Variants in TACC2 observed in about 807,000 individuals in gnomAD.
TACC2 encodes transforming acidic coiled-coil containing protein 2.
Under a neutral mutation model 227.3 loss-of-function variants are expected in TACC2, and 137 were observed. That is an observed-to-expected ratio of 0.60 (90% CI 0.52 to 0.69). The LOEUF (loss-of-function observed/expected upper bound fraction) is 0.69, where lower values mean the gene tolerates loss of function less well. Ranked by LOEUF, TACC2 falls within the 30% of genes least tolerant of loss-of-function variation. TACC2 has a pLI of 0.00. For missense variants in TACC2, 3,470 were observed against 3,694.4 expected (o/e 0.94, Z 1.57); for synonymous variants, 1,523 against 1,487.5 (o/e 1.02, Z -0.55).
chr10:122,024,929 C>T (rs562856952), intron 2 of TACC2, among the ~76,000 whole-genome samples: 41 of 152,294 alleles, frequency 2.7e-4, no homozygotes, highest in Non-Finnish European at 5.7e-4. Flanking sequence ...GATAAACGCC[C>T]AAGTGTGCAG....
intron 16 of TACC2, among the ~76,000 whole-genome samples, chr10:122,234,120 C>T (rs769378723): frequency 6.6e-6 from 1 of 152,204 alleles, no homozygotes; most frequent in Non-Finnish European, 1.5e-5. Flanking sequence ...CAGGTGCTCT[C>T]CCCAGAATTG....
At position 122,063,851 on chromosome 10, in the gene TACC2, C is replaced by CACAT. The variant is rs1375499694; in HGVS notation, c.146+13304_146+13305insTACA. On this transcript the variant is annotated intron_variant, in intron 3 of 22. Transcript: ENST00000369005. ...TATAATACACACACACACACACACA[C>CACAT]ACACACCCTTAAAGAAATGTGTGTG... is the stretch of plus-strand genomic sequence containing the variant. Among the ~76,000 whole-genome samples the CACAT allele has an allele frequency of 8.0e-4, 121 of 151,474 alleles. 1 individual carries two copies. The East Asian group carries it at 0.021, about 26-fold the overall frequency.
intron 18 of TACC2, among the ~76,000 whole-genome samples, chr10:122,240,145 G>GA (rs1260799881): frequency 6.6e-6 from 1 of 152,068 alleles, no homozygotes; most frequent in African/African-American, 2.4e-5. Context: ...AGGGTAAAGT[G>GA]AAAAAACAGC....
Position 122,192,932 on chromosome 10 carries a change from C to T in TACC2, c.5835-2108C>T, listed in dbSNP as rs866737380. ...CGCCAGGCTGATCTGAACTCTCATT[C>T]TTCTTTGCTCCTCAGTTGTGTGACC... On this transcript the variant is annotated intron_variant, in intron 7 of 22. Transcript: ENST00000369005. 11 of 360,792 alleles carry T rather than the reference C, an allele frequency of 3.0e-5. No individual in the cohort carries two copies. In the Middle Eastern group the frequency reaches 2.8e-3, roughly 92 times the overall value. 22.3% of individuals were successfully genotyped at this position (360,792 alleles called of 1,614,324 possible). A position where few individuals can be genotyped will look rare whatever the true frequency, so the allele number is the denominator to read the frequency against.
At chr10:122,231,236 G>T (rs975612113) in intron 16 of TACC2, among the ~76,000 whole-genome samples, 1 of 152,178 alleles carries the variant, frequency 6.6e-6, no homozygotes, top group African/African-American at 2.4e-5. Flanking sequence ...CGTGCAGAAC[G>T]TGTGTTTGCC....
At chr10:122,179,140 A>T (rs1295161864) in intron 7 of TACC2, among the ~76,000 whole-genome samples, 1 of 152,220 alleles carries the variant, frequency 6.6e-6, no homozygotes, top group Admixed American at 6.5e-5. Context: ...TCAATACCTT[A>T]TCCTGTTTCT....
At chr10:122,053,847 G>A (rs1326544789) in intron 3 of TACC2, among the ~76,000 whole-genome samples, 1 of 152,184 alleles carries the variant, frequency 6.6e-6, no homozygotes, top group African/African-American at 2.4e-5. Flanking sequence ...TTTACAAAAG[G>A]TGGGAAGACG....
rs181400871 is a variant in TACC2 at position 122,081,421 on chromosome 10, G to A, written c.147-1226G>A. Among the ~76,000 whole-genome samples the A allele has an allele frequency of 6.6e-3, 1,004 of 151,322 alleles. 15 individuals are homozygous for A. The highest frequency in any genetic ancestry group is 0.023 in the African/African-American group (936 of 41,242). Reference sequence around the variant, plus strand: ...CGGGCTTCTGCAGTCCCAGCTACCCGGGAGGCTGAGGCAGGAGAATGGCGT... The same window carrying A: ...CGGGCTTCTGCAGTCCCAGCTACCCAGGAGGCTGAGGCAGGAGAATGGCGT... On this transcript the variant is annotated intron_variant, in intron 3 of 22. Transcript: ENST00000369005.
At chr10:122,001,765 T>TC (rs966025979) in intron 1 of TACC2, among the ~76,000 whole-genome samples, 16 of 152,098 alleles carry the variant, frequency 1.1e-4, no homozygotes, top group Admixed American at 7.2e-4. Context: ...CTTTTCCATT[T>TC]CCCCCCAGAG....
At chr10:122,081,291 G>A (rs985501509) in intron 3 of TACC2, among the ~76,000 whole-genome samples, 1 of 151,648 alleles carries the variant, frequency 6.6e-6, no homozygotes, top group African/African-American at 2.4e-5. Context: ...AGGCTGAGGC[G>A]GGCAGATCAC....
intron 2 of TACC2, among the ~76,000 whole-genome samples, chr10:122,025,116 A>G (rs2461215): frequency 0.64 from 98,008 of 152,086 alleles, 31,987 homozygotes; most frequent in African/African-American, 0.74. Flanking sequence ...GGTGTGTTGT[A>G]ATATTTCCAT....
intron 3 of TACC2, among the ~76,000 whole-genome samples, chr10:122,055,029 G>A (rs918935877): frequency 2.0e-5 from 3 of 152,090 alleles, no homozygotes; most frequent in Non-Finnish European, 4.4e-5. Flanking sequence ...GGACCAGCCC[G>A]GGCAACACAG....
chr10:122,119,892 C>A (rs184712415), intron 5 of TACC2, among the ~76,000 whole-genome samples: 5 of 151,458 alleles, frequency 3.3e-5, no homozygotes, highest in African/African-American at 1.2e-4. Context: ...GTACTCTGGC[C>A]TGGGCAACAG....
rs1277711233 is a variant in TACC2, at chr10:122,085,661, T to C, written c.3161T>C (p.Leu1054Pro). Reference sequence around the variant, plus strand: ...TGTCAGCCTGACTCAGTAGCTCTCCTGGATGCAGTTCCCTGCCTGCCAGCC... The same window carrying C: ...TGTCAGCCTGACTCAGTAGCTCTCCCGGATGCAGTTCCCTGCCTGCCAGCC... ...PPCQPDSVALLDAVPCLPALA... is the reference protein window; with the variant it reads ...PPCQPDSVALPDAVPCLPALA... Residue 1054 changes from leucine (L) to proline (P), a missense_variant, in exon 4 of 23, where the codon CTG becomes CCG. Transcript: ENST00000369005. 1 of 1,613,602 alleles carries C rather than the reference T, an allele frequency of 6.2e-7. No individual in the cohort carries two copies. The highest frequency in any genetic ancestry group is 1.1e-5 in the South Asian group (1 of 91,082).
At chr10:122,149,631 G>A (rs1472392668) in intron 7 of TACC2, among the ~76,000 whole-genome samples, 3 of 152,170 alleles carry the variant, frequency 2.0e-5, no homozygotes, top group African/African-American at 4.8e-5. Context: ...CCGAGTTAGA[G>A]AAGTCAGCCC....
intron 5 of TACC2, among the ~76,000 whole-genome samples, chr10:122,119,102 C>T (rs117622737): frequency 0.023 from 3,499 of 152,270 alleles, 64 homozygotes; most frequent in Non-Finnish European, 0.038. Context: ...CCAATCTGAA[C>T]GACTGTATCC....
At chr10:122,043,473 C>G (rs1251601366) in intron 2 of TACC2, among the ~76,000 whole-genome samples, 1 of 150,620 alleles carries the variant, frequency 6.6e-6, no homozygotes, top group Non-Finnish European at 1.5e-5. Flanking sequence ...TTCTTTCTTT[C>G]TTTTTCTCTT....
rs748339041 is a variant in TACC2 at position 122,086,696 on chromosome 10, T to A, written c.4196T>A (p.Ile1399Asn). ...GGTGTGGACACAAGCTCTGAGCAAA[T>A]CGCCACCCTCACTGGCTTCCCAGAC... Reference protein sequence around the residue: ...SGGVDTSSEQIATLTGFPDFR... With the variant: ...SGGVDTSSEQNATLTGFPDFR... The change falls in exon 4 of 23, where the codon ATC becomes AAC. Residue 1399 changes from isoleucine (I) to asparagine (N), a missense_variant. Physicochemically the swap from Ile to Asn is moderately radical, Grantham distance 149. Coordinates refer to ENST00000369005, the MANE Select transcript of TACC2 (RefSeq NM_206862.4). The A allele has an allele frequency of 6.2e-7, 1 of 1,613,710 alleles. No individual in the cohort carries two copies. Among genetic ancestry groups the A allele is most frequent in the Admixed American group, 1.7e-5 (1 of 59,994 alleles).
intron 5 of TACC2, among the ~76,000 whole-genome samples, chr10:122,103,090 G>T (rs542587456): frequency 1.3e-5 from 2 of 150,186 alleles, no homozygotes; most frequent in South Asian, 4.2e-4. Context: ...CTAGGAAAAA[G>T]AAAAAAAAAG....
Sources: allele counts gnomAD v4.1 joint callset (sites outside exome capture counted in the v4.1 genomes callset), GRCh38; gene constraint gnomAD v4.1.1; transcripts MANE v1.5; gene names NCBI Gene and HGNC (gene_info 2026-07-23, HGNC 2026-07-21).